The following DPF3 variants were observed in gnomAD, a reference collection of about 807,000 sequenced individuals.
The protein encoded by DPF3 is zinc finger protein DPF3.
In DPF3, 18 loss-of-function variants were observed where a neutral mutation model predicts 56.8. The ratio of observed to expected loss-of-function variants is 0.32; its 90% CI spans 0.22 to 0.47. The LOEUF (loss-of-function observed/expected upper bound fraction) is 0.47. DPF3 is among the 20% of genes least tolerant of loss of function. The pLI is 1.00. For missense variants in DPF3, 403 were observed against 488.8 expected (o/e 0.82, Z 1.65); for synonymous variants, 188 against 180.2 (o/e 1.04, Z -0.35).
At chr14:72,742,781 G>T (rs974210236) in intron 3 of DPF3, 8 of 152,566 alleles carry the variant, frequency 5.2e-5, no homozygotes, top group African/African-American at 1.9e-4. Context: ...ATTTTCAAAA[G>T]CTGGGGAAGT....
chr14:72,749,395 C>T (rs61986270), intron 3 of DPF3, among the ~76,000 whole-genome samples: 33,648 of 152,242 alleles, frequency 0.22, 4,243 homozygotes, highest in Middle Eastern at 0.33. Flanking sequence ...AACTAACTTG[C>T]TTCTGATTTT....
At chr14:72,791,578 G>A (rs1892433932) in intron 1 of DPF3, among the ~76,000 whole-genome samples, 1 of 152,176 alleles carries the variant, frequency 6.6e-6, no homozygotes, top group African/African-American at 2.4e-5. Flanking sequence ...CCCTGTGCGG[G>A]GTGTTAAGGG....
Position 72,613,535 on chromosome 14 carries a change from G to A in DPF3, c.*5762C>T, listed in dbSNP as rs960252708. On this transcript the variant is annotated 3_prime_UTR_variant, in exon 11 of 11. Transcript: ENST00000556509. Reference sequence around the variant, plus strand: ...CAAGGCCACCTGCCCTATGACCTGAGGTTGGCACTGGAGCAGAGAAAGGGA... The same window carrying A: ...CAAGGCCACCTGCCCTATGACCTGAAGTTGGCACTGGAGCAGAGAAAGGGA... Among the ~76,000 whole-genome samples the A allele has an allele frequency of 6.6e-6, 1 of 152,192 alleles. No individual in the cohort carries two copies. Among genetic ancestry groups the A allele is most frequent in the Admixed American group, 6.5e-5 (1 of 15,282 alleles).
intron 7 of DPF3, among the ~76,000 whole-genome samples, chr14:72,692,019 C>T (rs985910762): frequency 2.0e-5 from 3 of 152,048 alleles, no homozygotes; most frequent in Non-Finnish European, 4.4e-5. Flanking sequence ...TAAGGGAGAC[C>T]CCACACTAAT....
intron 2 of DPF3, among the ~76,000 whole-genome samples, chr14:72,764,936 A>C (rs1401053121): frequency 2.6e-5 from 4 of 152,224 alleles, no homozygotes; most frequent in Non-Finnish European, 5.9e-5. Flanking sequence ...CTGAGCCCTT[A>C]GTCTGTGGAA....
chr14:72,670,968 G>A, intron 8 of DPF3: 1 of 741,914 alleles, frequency 1.3e-6, no homozygotes, highest in Non-Finnish European at 2.0e-6. Context: ...CCAAAACAGA[G>A]GGGTGGGGGG....
Position 72,610,956 on chromosome 14 carries a change from TG to T in DPF3, c.*8340del, listed in dbSNP as rs1431580919. Among the ~76,000 whole-genome samples the T allele has an allele frequency of 1.3e-5, 2 of 152,240 alleles. No homozygotes were observed. The highest frequency in any genetic ancestry group is 3.9e-4 in the East Asian group (2 of 5,174). ...GCCCACAGGCTTTCAAGTAGGTGAG[TG>T]GACCAAACCCCTGCATGCTTTTCAG... On this transcript the variant is annotated 3_prime_UTR_variant, in exon 11 of 11. Transcript: ENST00000556509.
intron 1 of DPF3, among the ~76,000 whole-genome samples, chr14:72,789,046 G>A (rs771265812): frequency 1.8e-4 from 28 of 152,258 alleles, no homozygotes; most frequent in Middle Eastern, 6.8e-3. Context: ...CAATAATGGT[G>A]TGGCTACTTA....
intron 1 of DPF3, among the ~76,000 whole-genome samples, chr14:72,834,674 A>G (rs983729240): frequency 1.3e-5 from 2 of 152,014 alleles, no homozygotes; most frequent in Non-Finnish European, 2.9e-5. Context: ...TTATTATATG[A>G]CCCAGAAACT....
chr14:72,613,299 C>G lies in DPF3; in HGVS notation c.*5998G>C, dbSNP rs1290839385. Among the ~76,000 whole-genome samples, 1 of 152,148 alleles carries G rather than the reference C, an allele frequency of 6.6e-6. No individual in the cohort carries two copies. The highest frequency in any genetic ancestry group is 1.5e-5 in the Non-Finnish European group (1 of 68,038). ...ACCATGGCCGCGTTTATTTGCTAGA[C>G]AGGGTTGGTGCCAGCCTACAGGGCC... On this transcript the variant is annotated 3_prime_UTR_variant, in exon 11 of 11. Transcript: ENST00000556509.
At chr14:72,747,549 G>T (rs1360482075) in intron 3 of DPF3, among the ~76,000 whole-genome samples, 4 of 151,776 alleles carry the variant, frequency 2.6e-5, no homozygotes, top group African/African-American at 9.7e-5. Context: ...CATTTTGGGA[G>T]GCCCGAGGCA....
intron 1 of DPF3, among the ~76,000 whole-genome samples, chr14:72,847,200 G>A (rs1432277311): frequency 6.6e-6 from 1 of 152,152 alleles, no homozygotes; most frequent in Non-Finnish European, 1.5e-5. Flanking sequence ...CACTTACTGA[G>A]CATTCACTCT....
At chr14:72,825,153 T>G (rs1181011045) in intron 1 of DPF3, among the ~76,000 whole-genome samples, 1 of 152,106 alleles carries the variant, frequency 6.6e-6, no homozygotes, top group Non-Finnish European at 1.5e-5. Flanking sequence ...CTCCCAAAGT[T>G]CTGGGATTAC....
intron 2 of DPF3, among the ~76,000 whole-genome samples, chr14:72,761,250 AAAC>A (rs1247658745): frequency 6.6e-6 from 1 of 152,154 alleles, no homozygotes; most frequent in African/African-American, 2.4e-5. Flanking sequence ...AGAACATTCC[AAAC>A]AACAACAGCA....
chr14:72,853,758 C>T (rs2140087563), intron 1 of DPF3, among the ~76,000 whole-genome samples: 1 of 152,276 alleles, frequency 6.6e-6, no homozygotes, highest in East Asian at 1.9e-4. Flanking sequence ...AGCCACCATG[C>T]CCGGCCTGCT....
chr14:72,776,100 G>A (rs555612590), intron 1 of DPF3, among the ~76,000 whole-genome samples: 9 of 152,132 alleles, frequency 5.9e-5, no homozygotes, highest in Non-Finnish European at 1.0e-4. Flanking sequence ...CATCTGTGGA[G>A]TGGTGACCAG....
intron 2 of DPF3, among the ~76,000 whole-genome samples, chr14:72,761,683 AAAAG>A (rs1427893483): frequency 6.6e-6 from 1 of 151,910 alleles, no homozygotes; most frequent in Non-Finnish European, 1.5e-5. Context: ...TTAAAAAATT[AAAAG>A]AAATAAGAAA....
At chr14:72,843,623 A>T (rs1160866415) in intron 1 of DPF3, among the ~76,000 whole-genome samples, 2 of 152,108 alleles carry the variant, frequency 1.3e-5, no homozygotes, top group Non-Finnish European at 2.9e-5. Context: ...GCTCACTGCA[A>T]CCTCCACCTC....
At chr14:72,801,506 A>C (rs1892891434) in intron 1 of DPF3, among the ~76,000 whole-genome samples, 1 of 152,212 alleles carries the variant, frequency 6.6e-6, no homozygotes, top group African/African-American at 2.4e-5. Context: ...ACCATGGTTT[A>C]TATGCTCACA....
Sources: allele counts gnomAD v4.1 joint callset (sites outside exome capture counted in the v4.1 genomes callset), GRCh38; gene constraint gnomAD v4.1.1; transcripts MANE v1.5; gene names NCBI Gene and HGNC (gene_info 2026-07-23, HGNC 2026-07-21).